Variants in CDH23 observed in about 807,000 individuals in gnomAD.
CDH23 encodes the protein cadherin-23.
A neutral mutation model predicts 317.1 loss-of-function variants in CDH23; 189 were observed. The ratio of observed to expected loss-of-function variants is 0.60; its 90% CI spans 0.53 to 0.67. CDH23 has a LOEUF of 0.67. Ranked by LOEUF, CDH23 falls within the 30% of genes least tolerant of loss-of-function variation. The pLI is 0.00. For missense variants in CDH23, 4,401 were observed against 4,592.4 expected, an observed-to-expected ratio of 0.96 and a Z score of 1.20; for synonymous variants, 1,839 against 1,876.8, an observed-to-expected ratio of 0.98 and a Z score of 0.52.
chr10:71,492,843 C>T (rs1408775493), intron 3 of CDH23, among the ~76,000 whole-genome samples: 7 of 152,174 alleles, frequency 4.6e-5, no homozygotes, highest in South Asian at 2.1e-4. Context: ...GTGGGGGGCT[C>T]GTGGCCTCTT....
chr10:71,802,781 C>T lies in CDH23; in HGVS notation c.7483-117C>T, dbSNP rs12773941. The T allele has an allele frequency of 0.18, 194,337 of 1,071,376 alleles. 18,723 individuals are homozygous for T. Among genetic ancestry groups the T allele is most frequent in the East Asian group, 0.27 (10,428 of 38,966 alleles). 66.4% of individuals were successfully genotyped at this position (1,071,376 alleles called of 1,614,324 possible). A position where few individuals can be genotyped will look rare whatever the true frequency, so the allele number is the denominator to read the frequency against. On this transcript the variant is annotated intron_variant, in intron 53 of 69. Coordinates refer to ENST00000224721, the MANE Select transcript of CDH23 (RefSeq NM_022124.6). ...ACTCCAACACATTAGAAGACATTAC[C>T]TCCCTCCCAGGCTGGTGCCTGTCCT...
Position 71,510,227 on chromosome 10 carries a change from A to G in CDH23, c.288+3A>G. 1 of 1,613,284 alleles carries G rather than the reference A, an allele frequency of 6.2e-7. No homozygotes were observed. On this transcript the variant is annotated splice_donor_region_variant and intron_variant, in intron 4 of 69. Transcript: ENST00000224721. ...TCCGGCAGCCACTGGACAGAGAGGT[A>G]TGACTTGCCCATACCCCTGCCCCAA...
chr10:71,741,659 A>T (rs2132847296), intron 37 of CDH23, 35 bp from the exon 38 acceptor site: 3 of 1,562,104 alleles, frequency 1.9e-6, no homozygotes, highest in African/African-American at 2.7e-5. Context: ...CAATGCCTTG[A>T]GTCCAGAATG....
In CDH23 at chr10:71,815,374, CA is replaced by C. The variant is rs1171196727; in HGVS notation, c.*98del. 2 of 1,205,872 alleles carry C rather than the reference CA, an allele frequency of 1.7e-6. No individual in the cohort carries two copies. Among genetic ancestry groups the C allele is most frequent in the Non-Finnish European group, 2.3e-6 (2 of 884,034 alleles). 74.7% of individuals were successfully genotyped at this position (1,205,872 alleles called of 1,614,324 possible). The stretch of plus-strand genomic sequence containing the variant: ...ACAGGGCCGGTCGGGGGGGACCCTC[CA>C]AGGCCAGGCCTTGGGGACAACCTTG... On this transcript the variant is annotated 3_prime_UTR_variant, in exon 70 of 70. Transcript: ENST00000224721.
At chr10:71,674,000 C>G (rs1053316013) in intron 14 of CDH23, among the ~76,000 whole-genome samples, 1 of 152,138 alleles carries the variant, frequency 6.6e-6, no homozygotes, top group African/African-American at 2.4e-5. Flanking sequence ...GGACAGAGGT[C>G]TGCACCGTCT....
At position 71,617,498 on chromosome 10, in the gene CDH23, C is replaced by T. The variant is rs148329245; in HGVS notation, c.1134+105C>T. 1.7e-3 allele frequency: 2,560 copies of T among 1,522,112 alleles called. 37 individuals are homozygous for T. In the African/African-American group the frequency reaches 0.029, roughly 17 times the overall value. 94.3% of individuals were successfully genotyped at this position (1,522,112 alleles called of 1,614,324 possible). On this transcript the variant is annotated intron_variant, in intron 11 of 69. Transcript: ENST00000224721. ...AGCTATAAAATAGAAACAAACATTG[C>T]GGCACCCCACTCCTGGTAGGTTCTG... is the stretch of plus-strand genomic sequence containing the variant.
At position 71,808,019 on chromosome 10, in the gene CDH23, C is replaced by CA. The variant is rs1305288910; in HGVS notation, c.8722+13dup. ...GGTCTTCACCATGGGTAGGGCCTGGCAGCACATGAGTGGCCTCTAGCCATG... is the reference window on the plus strand; with the variant it reads ...GGTCTTCACCATGGGTAGGGCCTGGCAAGCACATGAGTGGCCTCTAGCCATG... On this transcript the variant is annotated intron_variant, in intron 60 of 69. Transcript: ENST00000224721. The CA allele has an allele frequency of 6.4e-7, 1 of 1,573,510 alleles. No individual in the cohort carries two copies. Among genetic ancestry groups the CA allele is most frequent in the African/African-American group, 1.4e-5 (1 of 74,002 alleles).
At chr10:71,486,047 TGACC>T (rs1340403956) in intron 3 of CDH23, among the ~76,000 whole-genome samples, 1 of 152,228 alleles carries the variant, frequency 6.6e-6, no homozygotes, top group Non-Finnish European at 1.5e-5. Context: ...CAGACCCACT[TGACC>T]CTAAGCTCCT....
At chr10:71,709,560 C>A (rs1393225697) in intron 27 of CDH23, among the ~76,000 whole-genome samples, 1 of 152,198 alleles carries the variant, frequency 6.6e-6, no homozygotes, top group Non-Finnish European at 1.5e-5. Context: ...GCTTCCTTCA[C>A]GAATCGGCAT....
At chr10:71,555,272 T>A (rs991361734) in intron 6 of CDH23, among the ~76,000 whole-genome samples, 2 of 152,144 alleles carry the variant, frequency 1.3e-5, no homozygotes, top group African/African-American at 2.4e-5. Context: ...TGAAAGCAGA[T>A]GTCCTGGGCG....
intron 11 of CDH23, among the ~76,000 whole-genome samples, chr10:71,638,892 G>A (rs1862398268): frequency 6.6e-6 from 1 of 152,088 alleles, no homozygotes; most frequent in Non-Finnish European, 1.5e-5. Flanking sequence ...GGCAGGGAGG[G>A]GGCAAGGTCT....
At chr10:71,440,676 G>A (rs76780526) in intron 2 of CDH23, among the ~76,000 whole-genome samples, 3,915 of 152,284 alleles carry the variant, frequency 0.026, 151 homozygotes, top group African/African-American at 0.083. Flanking sequence ...GGGTAGGAGA[G>A]GCCTGGGCAT....
rs754992550 is a variant in CDH23 at position 71,805,936 on chromosome 10, C to T, written c.8003C>T (p.Pro2668Leu). The change falls in exon 56 of 70, where the codon CCA (proline) becomes CTA (leucine). Residue 2668 changes from proline (P) to leucine (L), a missense_variant. This residue lies in a region of CDH23 where 1,144 missense variants were observed against 1,138.2 expected (regional missense o/e 1.01). Transcript: ENST00000224721. ...GACTGGGAGTTCTTCATCATCGACC[C>T]AATCAGCGGCCTCATCCAGACTGCT... is the stretch of plus-strand genomic sequence containing the variant. The part of the protein sequence containing the change: ...NRDWEFFIID[P>L]ISGLIQTAQR... The T allele has an allele frequency of 1.3e-6, 2 of 1,598,174 alleles. No individual in the cohort carries two copies. The highest frequency in any genetic ancestry group is 2.3e-5 in the East Asian group (1 of 43,830).
chr10:71,785,111 G>C lies in CDH23; in HGVS notation c.5712+11G>C. 1 of 1,607,784 alleles carries C rather than the reference G, an allele frequency of 6.2e-7. No homozygotes were observed. Among genetic ancestry groups the C allele is most frequent in the South Asian group, 1.1e-5 (1 of 90,944 alleles). ...TTCATCAATGCCACGGTAGGGCCTA[G>C]ACTGACCCCAGGGAGCTTCCCAGGG... is the stretch of plus-strand genomic sequence containing the variant. On this transcript the variant is annotated intron_variant, in intron 43 of 69. Coordinates refer to ENST00000224721, the MANE Select transcript of CDH23 (RefSeq NM_022124.6).
chr10:71,743,015 C>G (rs1839777335), intron 38 of CDH23, among the ~76,000 whole-genome samples: 1 of 152,186 alleles, frequency 6.6e-6, no homozygotes, highest in African/African-American at 2.4e-5. Flanking sequence ...TAGCCCGTGC[C>G]TGTTCTTATG....
At chr10:71,678,377 C>T (rs1864463848) in intron 16 of CDH23, among the ~76,000 whole-genome samples, 2 of 152,282 alleles carry the variant, frequency 1.3e-5, no homozygotes, top group African/African-American at 2.4e-5. Context: ...GGTCTAGTCC[C>T]GGAATGCTAT....
chr10:71,770,140 G>A (rs1004854944), intron 38 of CDH23, among the ~76,000 whole-genome samples: 6 of 152,222 alleles, frequency 3.9e-5, no homozygotes, highest in African/African-American at 1.2e-4. Flanking sequence ...ATTAGGCCCT[G>A]TAGAGAGCAA....
At chr10:71,728,713 G>A (rs766183103) in intron 30 of CDH23, among the ~76,000 whole-genome samples, 9 of 152,180 alleles carry the variant, frequency 5.9e-5, no homozygotes, top group Non-Finnish European at 1.3e-4. Context: ...CCCCAGCTCT[G>A]TTTGGCTGGG....
intron 3 of CDH23, among the ~76,000 whole-genome samples, chr10:71,492,632 C>T (rs115417047): frequency 0.011 from 1,614 of 152,232 alleles, 20 homozygotes; most frequent in African/African-American, 0.031. Flanking sequence ...TTTCATTCAT[C>T]CATTCATCCA....
Sources: allele counts gnomAD v4.1 joint callset (sites outside exome capture counted in the v4.1 genomes callset), GRCh38; gene constraint gnomAD v4.1.1; regional missense constraint gnomAD v4.1.1; transcripts MANE v1.5; gene names NCBI Gene and HGNC (gene_info 2026-07-23, HGNC 2026-07-21).